The following NLRC5 variants were observed in gnomAD, a reference collection of about 807,000 sequenced individuals.
NLRC5 encodes the protein protein NLRC5.
NLRC5 carries 114 observed loss-of-function variants against 206.9 expected under a neutral mutation model. The ratio of observed to expected loss-of-function variants is 0.55; its 90% CI spans 0.47 to 0.64. NLRC5 has a LOEUF of 0.64. NLRC5 is among the 30% of genes least tolerant of loss of function. The probability of loss-of-function intolerance (pLI) is 0.00; values close to 1 mark genes in which losing one functional copy is unlikely to be tolerated. For missense variants in NLRC5, 2,008 were observed against 2,305.5 expected (o/e 0.87, Z 2.64); for synonymous variants, 952 against 962.8 (o/e 0.99, Z 0.21).
chr16:57,037,765 G>C (rs1404871887), intron 15 of NLRC5, among the ~76,000 whole-genome samples: 2 of 152,164 alleles, frequency 1.3e-5, no homozygotes, highest in African/African-American at 4.8e-5. Flanking sequence ...CTGCCACTAG[G>C]GAACCCAATC....
At chr16:57,003,658 C>T (rs906683471) in intron 1 of NLRC5, among the ~76,000 whole-genome samples, 1 of 152,130 alleles carries the variant, frequency 6.6e-6, no homozygotes, top group African/African-American at 2.4e-5. Flanking sequence ...CTTGCACATG[C>T]GCAGGATGGA....
Position 57,041,561 on chromosome 16 carries a change from C to A in NLRC5, c.3016C>A (p.His1006Asn). 1 of 1,614,028 alleles carries A rather than the reference C, an allele frequency of 6.2e-7. No homozygotes were observed. The highest frequency in any genetic ancestry group is 1.1e-5 in the South Asian group (1 of 91,058). Residue 1006 changes from histidine to asparagine, a missense_variant, in exon 18 of 49, where the codon CAC becomes AAC. By Grantham distance (68) the His-to-Asn change is moderately conservative. Coordinates refer to ENST00000688547, the MANE Select transcript of NLRC5 (RefSeq NM_001384950.1). ...KALGGSCHLG[H>N]LHLDFSGNAL... ...TCTGGGAGGAAGCTGCCACCTCGGT[C>A]ACCTCCACCTCGAGTGAGTGGTTTG...
intron 28 of NLRC5, 69 bp downstream of exon 28, chr16:57,058,217 G>A: frequency 7.4e-7 from 1 of 1,343,336 alleles, no homozygotes. Flanking sequence ...AGCATGATGG[G>A]GGCTCCTTCT....
chr16:57,049,553 T>A (rs1346602297), intron 23 of NLRC5, among the ~76,000 whole-genome samples: 1 of 151,840 alleles, frequency 6.6e-6, no homozygotes, highest in African/African-American at 2.4e-5. Context: ...CTGGCCAACA[T>A]AGTGAAACCC....
intron 14 of NLRC5, among the ~76,000 whole-genome samples, chr16:57,036,657 G>A (rs1184679728): frequency 1.3e-5 from 2 of 151,312 alleles, no homozygotes; most frequent in South Asian, 4.2e-4. Flanking sequence ...TGAGGGTGAT[G>A]TTTGGGTGGG....
intron 1 of NLRC5, among the ~76,000 whole-genome samples, chr16:56,996,178 T>C (rs1213022951): frequency 6.6e-6 from 1 of 152,000 alleles, no homozygotes; most frequent in Non-Finnish European, 1.5e-5. Context: ...CTTTCTTTCT[T>C]TTTTTTTCTA....
intron 15 of NLRC5, among the ~76,000 whole-genome samples, chr16:57,037,751 G>A (rs2062783890): frequency 6.6e-6 from 1 of 152,172 alleles, no homozygotes; most frequent in Non-Finnish European, 1.5e-5. Flanking sequence ...CACAGACCCA[G>A]GCTCTGCCAC....
At chr16:57,029,293 G>A (rs1386356312) in intron 8 of NLRC5, among the ~76,000 whole-genome samples, 2 of 152,188 alleles carry the variant, frequency 1.3e-5, no homozygotes, top group African/African-American at 4.8e-5. Flanking sequence ...AGGAACCCAG[G>A]CAAGGCTGGC....
chr16:57,076,479 A>G (rs1161295679), intron 39 of NLRC5, among the ~76,000 whole-genome samples: 1 of 152,248 alleles, frequency 6.6e-6, no homozygotes, highest in Non-Finnish European at 1.5e-5. Context: ...GCCAGCCCGG[A>G]GATCCCTGAC....
rs1320473253 is a variant in NLRC5, at chr16:57,029,869, T to C, written c.2327+13T>C. On this transcript the variant is annotated intron_variant, in intron 9 of 48. Transcript: ENST00000688547. ...TCCGGAAGCTTGAGTAAGTGATCTT[T>C]CCACTGCCTCTGCAGCCCAGTCCCT... The C allele has an allele frequency of 6.2e-7, 1 of 1,613,086 alleles. No homozygotes were observed. The highest frequency in any genetic ancestry group is 1.7e-5 in the Admixed American group (1 of 60,018).
At chr16:57,005,010 C>T (rs2058736077) in intron 1 of NLRC5, among the ~76,000 whole-genome samples, 1 of 152,090 alleles carries the variant, frequency 6.6e-6, no homozygotes, top group Non-Finnish European at 1.5e-5. Context: ...ACTGCGTGAC[C>T]CTGGCCATTT....
chr16:57,043,883 ATTTTTTTTTTTAGGAT>A (rs1567591407), intron 20 of NLRC5: 1 of 371,030 alleles, frequency 2.7e-6, no homozygotes, highest in African/African-American at 2.3e-5. Context: ...GTCCTTAGAG[ATTTTTTTTTTTAGGAT>A]TTTTTTTTTA....
In NLRC5 at chr16:57,032,833, C is replaced by CAAA. The variant is rs35838664; in HGVS notation, c.2478-757_2478-755dup. On this transcript the variant is annotated intron_variant, in intron 11 of 48. Coordinates refer to ENST00000688547, the MANE Select transcript of NLRC5 (RefSeq NM_001384950.1). ...CAACAAAGTGAGACCCCCATCTCTA[C>CAAA]AAAAAAAAAAAAAAAATAGCTGGGC... Among the ~76,000 whole-genome samples, 21 of 119,282 alleles carry CAAA rather than the reference C, an allele frequency of 1.8e-4. No individual in the cohort carries two copies. The East Asian group carries it at 3.2e-3, about 18-fold the overall frequency. 78.3% of individuals were successfully genotyped at this position (119,282 alleles called of 152,430 possible). A position where few individuals can be genotyped will look rare whatever the true frequency, so the allele number is the denominator to read the frequency against.
intron 4 of NLRC5, among the ~76,000 whole-genome samples, chr16:57,023,045 T>C (rs1419857587): frequency 6.6e-6 from 1 of 152,216 alleles, no homozygotes; most frequent in Admixed American, 6.5e-5. Context: ...TGTTAAGATA[T>C]TGAAGTGCTC....
chr16:57,038,379 T>G (rs1382423739), intron 15 of NLRC5, among the ~76,000 whole-genome samples: 1 of 152,046 alleles, frequency 6.6e-6, no homozygotes, highest in Non-Finnish European at 1.5e-5. Context: ...TCTCTTAGTC[T>G]CCCAAAGTGC....
intron 23 of NLRC5, chr16:57,048,376 C>T (rs1278715176): frequency 2.6e-5 from 4 of 152,190 alleles, no homozygotes; most frequent in African/African-American, 9.7e-5. Flanking sequence ...TCTGTGTTTT[C>T]CATTTTGCTT....
chr16:57,056,950 C>T (rs2065757920), intron 27 of NLRC5, among the ~76,000 whole-genome samples: 1 of 152,090 alleles, frequency 6.6e-6, no homozygotes, highest in Non-Finnish European at 1.5e-5. Context: ...TGAGCCACCG[C>T]ACCCAGCCAA....
At chr16:57,061,789 G>A (rs2066526275) in intron 32 of NLRC5, 88 bp downstream of exon 32, 1 of 1,552,336 alleles carries the variant, frequency 6.4e-7, no homozygotes, top group Non-Finnish European at 8.7e-7. Flanking sequence ...CCAGGATCAT[G>A]GCCCCAGTCA....
Position 57,055,001 on chromosome 16 carries a change from A to T in NLRC5, c.3597-31A>T, listed in dbSNP as rs144399830. ...GGGGGCATCCTGAGGCTGTGGCCAC[A>T]GCTGTCTGACCCAGGTCCTGTCTGA... is the stretch of plus-strand genomic sequence containing the variant. On this transcript the variant is annotated intron_variant, in intron 25 of 48. Coordinates refer to ENST00000688547, the MANE Select transcript of NLRC5 (RefSeq NM_001384950.1). 2.5e-4 allele frequency: 401 copies of T among 1,613,874 alleles called. 3 individuals are homozygous for T. In the East Asian group the frequency reaches 8.9e-3, roughly 36 times the overall value.
Sources: allele counts gnomAD v4.1 joint callset (sites outside exome capture counted in the v4.1 genomes callset), GRCh38; gene constraint gnomAD v4.1.1; transcripts MANE v1.5; gene names NCBI Gene and HGNC (gene_info 2026-07-23, HGNC 2026-07-21).